DEPDC5: variants seen among roughly 807,000 people sequenced by gnomAD.
DEPDC5 encodes GATOR1 complex protein DEPDC5.
In DEPDC5, 73 loss-of-function variants were observed where a neutral mutation model predicts 217.3. The ratio of observed to expected loss-of-function variants is 0.34; its 90% CI spans 0.28 to 0.41. The LOEUF (loss-of-function observed/expected upper bound fraction) is 0.41. DEPDC5 is among the 10% of genes least tolerant of loss of function. DEPDC5 has a pLI of 1.00. For synonymous variants in DEPDC5, 733 were observed against 756.7 expected, an observed-to-expected ratio of 0.97 and a Z score of 0.51; for missense variants, 1,675 against 2,070.1, an observed-to-expected ratio of 0.81 and a Z score of 3.70.
chr22:31,794,828 G>T (rs1049583751), intron 12 of DEPDC5, among the ~76,000 whole-genome samples: 3 of 152,078 alleles, frequency 2.0e-5, no homozygotes, highest in African/African-American at 7.2e-5. Context: ...TGAGGCTGCA[G>T]TGAGCCAAGA....
intron 33 of DEPDC5, among the ~76,000 whole-genome samples, chr22:31,863,796 G>T: frequency 6.6e-6 from 1 of 152,046 alleles, no homozygotes; most frequent in East Asian, 2.0e-4. Flanking sequence ...CGTGGCGTGC[G>T]CCTGTAGTCC....
intron 13 of DEPDC5, 96 bp from the exon 14 acceptor site, chr22:31,798,486 C>G: frequency 1.9e-6 from 2 of 1,079,878 alleles, no homozygotes; most frequent in Non-Finnish European, 2.6e-6. Flanking sequence ...CTGCTCCACT[C>G]CAGCCTGGGT....
Position 31,830,630 on chromosome 22 carries a change from C to CGTGTGTGT in DEPDC5, c.2105-3252_2105-3245dup, listed in dbSNP as rs34078350. Among the ~76,000 whole-genome samples the CGTGTGTGT allele has an allele frequency of 6.8e-3, 967 of 142,544 alleles. 7 individuals are homozygous for CGTGTGTGT. Among genetic ancestry groups the CGTGTGTGT allele is most frequent in the South Asian group, 0.018 (78 of 4,290 alleles). The allele number at this position is 142,544 out of a possible 152,430, so 93.5% of individuals were successfully genotyped here. A position where few individuals can be genotyped will look rare whatever the true frequency, so the allele number is the denominator to read the frequency against. ...TTTGCTTTTTCGGGGTATGCGTGTACGTGTGTGTGTGTGTGTGTGTGTGTG... is the reference window on the plus strand; with the variant it reads ...TTTGCTTTTTCGGGGTATGCGTGTACGTGTGTGTGTGTGTGTGTGTGTGTGTGTGTGTG... On this transcript the variant is annotated intron_variant, in intron 24 of 42. Transcript: ENST00000651528.
chr22:31,789,630 A>G (rs2085404780), intron 10 of DEPDC5, among the ~76,000 whole-genome samples: 3 of 152,228 alleles, frequency 2.0e-5, no homozygotes, highest in Admixed American at 1.3e-4. Flanking sequence ...TTAAAAAATT[A>G]TTTCATTCGA....
At chr22:31,886,188 GT>G (rs146266140) in intron 38 of DEPDC5, among the ~76,000 whole-genome samples, 2 of 152,148 alleles carry the variant, frequency 1.3e-5, no homozygotes, top group Admixed American at 6.5e-5. Context: ...TGCCCGGCTA[GT>G]TTTTTTGTTG....
At position 31,815,314 on chromosome 22, in the gene DEPDC5, T is replaced by A. The variant is rs1004155461; in HGVS notation, c.1666+102T>A. ...TCAGAGGTGGGGTGTAAATCCCACA[T>A]CTTAATGATTTCTTTGCCAGTGCAG... On this transcript the variant is annotated intron_variant, in intron 21 of 42. Coordinates refer to ENST00000651528, the MANE Select transcript of DEPDC5 (RefSeq NM_001242896.3). The A allele has an allele frequency of 7.3e-6, 9 of 1,237,656 alleles. No individual in the cohort carries two copies. In the African/African-American group the frequency reaches 1.4e-4, roughly 19 times the overall value. The allele number at this position is 1,237,656 out of a possible 1,614,324, so 76.7% of individuals were successfully genotyped here. A position where few individuals can be genotyped will look rare whatever the true frequency, so the allele number is the denominator to read the frequency against.
Position 31,804,843 on chromosome 22 carries a change from T to G in DEPDC5, c.1145T>G (p.Leu382Arg). The G allele has an allele frequency of 6.2e-7, 1 of 1,613,720 alleles. No homozygotes were observed. The highest frequency in any genetic ancestry group is 1.1e-5 in the South Asian group (1 of 91,076). The change falls in exon 17 of 43, where the codon CTC (leucine) becomes CGC (arginine). Residue 382 changes from leucine to arginine, a missense_variant and splice_region_variant. This residue lies in a region of DEPDC5 where 628 missense variants were observed against 762.1 expected (regional missense o/e 0.82). Coordinates refer to ENST00000651528, the MANE Select transcript of DEPDC5 (RefSeq NM_001242896.3). ...GTGCTCTCATTTTTCTCCTTGCAGC[T>G]CCATAATCGGAGTGCTCCCCGTGAT... The part of the protein sequence containing the change: ...QPLHAVPLFK[L>R]HNRSAPRDSR...
intron 25 of DEPDC5, among the ~76,000 whole-genome samples, chr22:31,835,434 C>A (rs142425094): frequency 1.3e-5 from 2 of 152,262 alleles, no homozygotes; most frequent in East Asian, 1.9e-4. Flanking sequence ...AGACAGAACA[C>A]CCTTAAACTT....
chr22:31,782,219 C>T (rs1189230291), intron 8 of DEPDC5, among the ~76,000 whole-genome samples: 2 of 150,202 alleles, frequency 1.3e-5, no homozygotes, highest in African/African-American at 2.5e-5. Context: ...CTCACTGCAT[C>T]CTCAGCCTCC....
chr22:31,874,219 G>T, intron 35 of DEPDC5, 54 bp from the exon 36 acceptor site: 1 of 1,568,608 alleles, frequency 6.4e-7, no homozygotes, highest in Non-Finnish European at 8.7e-7. Flanking sequence ...CCTTCCACTT[G>T]TTGCCATGGG....
chr22:31,817,341 CT>C (rs2089243062), intron 21 of DEPDC5: 1 of 282,740 alleles, frequency 3.5e-6, no homozygotes, highest in Non-Finnish European at 7.0e-6. Context: ...AACTCCTGAC[CT>C]CAGGTGATCT....
intron 31 of DEPDC5, among the ~76,000 whole-genome samples, chr22:31,854,642 G>A (rs779134814): frequency 3.3e-5 from 5 of 152,184 alleles, no homozygotes; most frequent in Non-Finnish European, 5.9e-5. Context: ...TAAGAGAGAG[G>A]CAGCCATTCT....
At chr22:31,818,922 C>T (rs2089420936) in intron 21 of DEPDC5, 100 bp from the exon 22 acceptor site, 5 of 1,230,084 alleles carry the variant, frequency 4.1e-6, no homozygotes, top group East Asian at 2.3e-5. Flanking sequence ...TTTATAATGC[C>T]CAAGATTCTT....
chr22:31,865,646 C>T (rs747119196), intron 33 of DEPDC5, among the ~76,000 whole-genome samples: 4 of 152,200 alleles, frequency 2.6e-5, no homozygotes, highest in Admixed American at 2.0e-4. Flanking sequence ...GGGTGTAGGG[C>T]TGTGCCAAGT....
At chr22:31,874,150 T>C (rs1427013616) in intron 35 of DEPDC5, 123 bp from the exon 36 acceptor site, 10 of 1,392,648 alleles carry the variant, frequency 7.2e-6, no homozygotes, top group African/African-American at 1.5e-5. Flanking sequence ...AGGAATAGCA[T>C]AGGGACATTG....
At chr22:31,833,887 A>G (rs1486337328) in intron 24 of DEPDC5, 28 bp from the exon 25 acceptor site, 1 of 1,506,102 alleles carries the variant, frequency 6.6e-7, no homozygotes. Flanking sequence ...GAGCCTTCTT[A>G]AGACAAGCTG....
intron 12 of DEPDC5, among the ~76,000 whole-genome samples, chr22:31,793,658 C>T (rs116292414): frequency 0.025 from 3,820 of 152,176 alleles, 61 homozygotes; most frequent in African/African-American, 0.042. Flanking sequence ...CAAACTCCGC[C>T]TCCCAGGTTC....
intron 15 of DEPDC5, among the ~76,000 whole-genome samples, chr22:31,803,234 G>T (rs1294966960): frequency 6.6e-6 from 1 of 151,084 alleles, no homozygotes; most frequent in East Asian, 1.9e-4. Flanking sequence ...TTTTTTAGAC[G>T]GAGTCTCGCT....
At chr22:31,869,911 G>GTT (rs1227056422) in intron 33 of DEPDC5, among the ~76,000 whole-genome samples, 1 of 152,124 alleles carries the variant, frequency 6.6e-6, no homozygotes, top group African/African-American at 2.4e-5. Flanking sequence ...CTGCAATCAG[G>GTT]GGCTATTTAG....
Sources: allele counts gnomAD v4.1 joint callset (sites outside exome capture counted in the v4.1 genomes callset), GRCh38; gene constraint gnomAD v4.1.1; regional missense constraint gnomAD v4.1.1; transcripts MANE v1.5; gene names NCBI Gene and HGNC (gene_info 2026-07-23, HGNC 2026-07-21).